KCTD16: variants seen among roughly 807,000 people sequenced by gnomAD.
The protein encoded by KCTD16 is potassium channel tetramerization domain containing 16.
A neutral mutation model predicts 33.2 loss-of-function variants in KCTD16; 13 were observed. The observed-to-expected ratio is 0.39, with a 90% CI of 0.25 to 0.62. The LOEUF (loss-of-function observed/expected upper bound fraction) is 0.62, where lower values mean the gene tolerates loss of function less well. Ranked by LOEUF, KCTD16 falls within the 20% of genes least tolerant of loss-of-function variation. KCTD16 has a pLI of 0.50. For missense variants in KCTD16, 441 were observed against 525.1 expected (o/e 0.84, Z 1.57); for synonymous variants, 197 against 195.3 (o/e 1.01, Z -0.07).
rs747458169 is a variant in KCTD16, at chr5:144,207,412, T to C, written c.698T>C (p.Leu233Pro). 6.2e-7 allele frequency: 1 copy of C among 1,614,098 alleles called. No homozygotes were observed. The highest frequency in any genetic ancestry group is 8.5e-7 in the Non-Finnish European group (1 of 1,180,038). ...TSRFYLKFKH[L>P]ERAFDMLSEC... ...AGATTTTATCTCAAATTCAAGCACC[T>C]GGAAAGGGCTTTTGATATGTTGTCA... The change falls in exon 3 of 4, where the codon CTG (leucine) becomes CCG (proline). Residue 233 changes from leucine (L) to proline (P), a missense_variant. Leu to Pro is a moderately conservative substitution (Grantham distance 98). Coordinates refer to ENST00000512467, the MANE Select transcript of KCTD16 (RefSeq NM_020768.4).
intron 3 of KCTD16, among the ~76,000 whole-genome samples, chr5:144,388,257 ATT>A: frequency 6.7e-6 from 1 of 150,132 alleles, no homozygotes; most frequent in African/African-American, 2.4e-5. Flanking sequence ...TTTTTTTTGT[ATT>A]TTTAGTAGAG....
chr5:144,328,093 A>G (rs1326707370), intron 3 of KCTD16, among the ~76,000 whole-genome samples: 1 of 152,186 alleles, frequency 6.6e-6, no homozygotes, highest in Non-Finnish European at 1.5e-5. Flanking sequence ...AAAGTGAGAA[A>G]AGTGAGTGTA....
chr5:144,390,558 G>A (rs944643590), intron 3 of KCTD16, among the ~76,000 whole-genome samples: 1 of 151,778 alleles, frequency 6.6e-6, no homozygotes, highest in African/African-American at 2.4e-5. Flanking sequence ...TTTAAGTTCT[G>A]GGATACATGT....
chr5:144,360,754 A>G (rs1477707383), intron 3 of KCTD16, among the ~76,000 whole-genome samples: 1 of 152,074 alleles, frequency 6.6e-6, no homozygotes, highest in East Asian at 1.9e-4. Context: ...TTATGGCTGC[A>G]TAGTATTCCA....
intron 3 of KCTD16, among the ~76,000 whole-genome samples, chr5:144,365,979 A>C (rs1350257871): frequency 6.6e-6 from 1 of 152,166 alleles, no homozygotes; most frequent in Non-Finnish European, 1.5e-5. Context: ...ATACTCAAGA[A>C]ACTGGTAGCA....
chr5:144,460,136 A>T (rs1199557543), intron 3 of KCTD16, among the ~76,000 whole-genome samples: 2 of 151,778 alleles, frequency 1.3e-5, no homozygotes, highest in Non-Finnish European at 2.9e-5. Flanking sequence ...CCGGCCTCCA[A>T]TCTTATCTTC....
chr5:144,361,474 G>A (rs1188898505), intron 3 of KCTD16, among the ~76,000 whole-genome samples: 1 of 152,138 alleles, frequency 6.6e-6, no homozygotes, highest in East Asian at 1.9e-4. Context: ...GCAAAGTAAC[G>A]ATTCAGATGT....
At chr5:144,412,059 C>T (rs1458874336) in intron 3 of KCTD16, among the ~76,000 whole-genome samples, 1 of 152,104 alleles carries the variant, frequency 6.6e-6, no homozygotes, top group Non-Finnish European at 1.5e-5. Context: ...AAGGTGAATG[C>T]TTGTATATTG....
intron 3 of KCTD16, among the ~76,000 whole-genome samples, chr5:144,436,822 G>A (rs530560710): frequency 1.3e-5 from 2 of 151,920 alleles, no homozygotes; most frequent in South Asian, 4.2e-4. Flanking sequence ...TCCTGACCTC[G>A]TGATCCTCCC....
At chr5:144,202,138 T>C (rs756230775) in intron 2 of KCTD16, among the ~76,000 whole-genome samples, 41 of 152,244 alleles carry the variant, frequency 2.7e-4, no homozygotes, top group Non-Finnish European at 5.6e-4. Flanking sequence ...CATTCTTCCT[T>C]GCTCTTCCTC....
intron 3 of KCTD16, among the ~76,000 whole-genome samples, chr5:144,355,709 C>T (rs934115003): frequency 6.6e-5 from 10 of 152,094 alleles, no homozygotes; most frequent in African/African-American, 9.7e-5. Context: ...GGTCCTTCAT[C>T]GCCAATCTCC....
At chr5:144,184,706 A>G (rs1752690901) in intron 2 of KCTD16, among the ~76,000 whole-genome samples, 1 of 152,180 alleles carries the variant, frequency 6.6e-6, no homozygotes, top group Non-Finnish European at 1.5e-5. Flanking sequence ...TTGTAGTGCC[A>G]TGCTGGTGAG....
Position 144,204,464 on chromosome 5 carries a change from T to C in KCTD16, c.-326-1925T>C, listed in dbSNP as rs1032772604. Among the ~76,000 whole-genome samples, 4 of 152,200 alleles carry C rather than the reference T, an allele frequency of 2.6e-5. No homozygotes were observed. The East Asian group carries it at 7.7e-4, about 29-fold the overall frequency. On this transcript the variant is annotated intron_variant, in intron 2 of 3. Transcript: ENST00000512467. ...TGGATTAGGTTGCCCTGGAAATGCC[T>C]TCCTGAAACTCTAATGATGCACTTA...
At chr5:144,328,602 T>G (rs1039192872) in intron 3 of KCTD16, among the ~76,000 whole-genome samples, 1 of 152,126 alleles carries the variant, frequency 6.6e-6, no homozygotes, top group African/African-American at 2.4e-5. Context: ...TTGTTTTTCA[T>G]GTGCATTACA....
At chr5:144,210,076 G>A (rs1292561470) in intron 3 of KCTD16, among the ~76,000 whole-genome samples, 1 of 151,646 alleles carries the variant, frequency 6.6e-6, no homozygotes, top group African/African-American at 2.4e-5. Flanking sequence ...CATAATCATG[G>A]GGAGAGACTT....
chr5:144,255,866 G>T (rs1754831825), intron 3 of KCTD16, among the ~76,000 whole-genome samples: 1 of 152,168 alleles, frequency 6.6e-6, no homozygotes, highest in Non-Finnish European at 1.5e-5. Flanking sequence ...GAGAATGTCT[G>T]ATTCTTTTAC....
intron 2 of KCTD16, among the ~76,000 whole-genome samples, chr5:144,196,498 A>T (rs936610769): frequency 6.6e-6 from 1 of 152,130 alleles, no homozygotes; most frequent in African/African-American, 2.4e-5. Context: ...TTTAATCTTA[A>T]TTTATAATTG....
intron 2 of KCTD16, among the ~76,000 whole-genome samples, chr5:144,199,761 G>A (rs1199305511): frequency 7.8e-6 from 1 of 127,980 alleles, no homozygotes; most frequent in Non-Finnish European, 1.6e-5. Flanking sequence ...TTTGTCATCA[G>A]GCTGGAGTGC....
chr5:144,346,144 T>C (rs895627099), intron 3 of KCTD16, among the ~76,000 whole-genome samples: 2 of 152,184 alleles, frequency 1.3e-5, no homozygotes, highest in African/African-American at 4.8e-5. Flanking sequence ...TCACTTAGCA[T>C]AATGCTCCCC....
Sources: allele counts gnomAD v4.1 joint callset (sites outside exome capture counted in the v4.1 genomes callset), GRCh38; gene constraint gnomAD v4.1.1; transcripts MANE v1.5; gene names NCBI Gene and HGNC (gene_info 2026-07-23, HGNC 2026-07-21).